The following SCNN1D variants were observed in gnomAD, a reference collection of about 807,000 sequenced individuals.
SCNN1D encodes the protein sodium channel epithelial 1 subunit delta, also known as epithelial sodium channel subunit delta.
In SCNN1D, 104 loss-of-function variants were observed where a neutral mutation model predicts 87.8. The ratio of observed to expected loss-of-function variants is 1.18; its 90% CI spans 1.01 to 1.39. The LOEUF (loss-of-function observed/expected upper bound fraction) is 1.39. Among genes scored for constraint, SCNN1D ranks in the 40% most tolerant of loss-of-function variants. SCNN1D has a pLI of 0.00. For synonymous variants in SCNN1D, 628 were observed against 481.2 expected (o/e 1.31, Z -3.99); for missense variants, 1,324 against 1,093.9 (o/e 1.21, Z -2.97).
chr1:1,286,721 G>C (rs780766752), intron 7 of SCNN1D, 47 bp from the exon 8 acceptor site: 1 of 1,565,388 alleles, frequency 6.4e-7, no homozygotes, highest in Non-Finnish European at 8.7e-7. Context: ...TGGGGCCAGT[G>C]TGAGGCCCCG....
At chr1:1,288,069 A>G in intron 12 of SCNN1D, 32 bp downstream of exon 12, 28 of 650,010 alleles carry the variant, frequency 4.3e-5, no homozygotes, top group Non-Finnish European at 5.5e-5. Flanking sequence ...GTGCGGGGGC[A>G]GGTGAGGCTG....
rs1416426332 is a variant in SCNN1D, at chr1:1,287,481, A to G, written c.1311-27A>G. ...GACGGGCGCGGGCAGCCGACATTCA[A>G]GGTCTGAGCTTGGCTTCTCATTCCA... is the stretch of plus-strand genomic sequence containing the variant. On this transcript the variant is annotated intron_variant, in intron 9 of 17. Transcript: ENST00000379116. 5 of 1,514,224 alleles carry G rather than the reference A, an allele frequency of 3.3e-6. No homozygotes were observed. In the Admixed American group the frequency reaches 6.5e-5, roughly 20 times the overall value. The allele number at this position is 1,514,224 out of a possible 1,614,324, so 93.8% of individuals were successfully genotyped here. A position where few individuals can be genotyped will look rare whatever the true frequency, so the allele number is the denominator to read the frequency against.
rs1220793315 is a variant in SCNN1D at position 1,282,229 on chromosome 1, G to A, written c.278-13G>A. 7.1e-7 allele frequency: 1 copy of A among 1,400,654 alleles called. No homozygotes were observed. Among genetic ancestry groups the A allele is most frequent in the Non-Finnish European group, 9.9e-7 (1 of 1,010,634 alleles). The allele number at this position is 1,400,654 out of a possible 1,614,324, so 86.8% of individuals were successfully genotyped here. A position where few individuals can be genotyped will look rare whatever the true frequency, so the allele number is the denominator to read the frequency against. ...AGGCCACACAGCCAGTGACGAAGCTGTGATTCACACAGGCCTGGGTGACTC... is the reference window on the plus strand; with the variant it reads ...AGGCCACACAGCCAGTGACGAAGCTATGATTCACACAGGCCTGGGTGACTC... On this transcript the variant is annotated splice_polypyrimidine_tract_variant and intron_variant, in intron 3 of 17. Coordinates refer to ENST00000379116, the MANE Select transcript of SCNN1D (RefSeq NM_001130413.4).
In SCNN1D at chr1:1,287,406, G is replaced by A. The variant is rs573744862; in HGVS notation, c.1311-102G>A. 4.0e-6 allele frequency: 6 copies of A among 1,490,846 alleles called. No individual in the cohort carries two copies. The East Asian group carries it at 1.2e-4, about 29-fold the overall frequency. 92.4% of individuals were successfully genotyped at this position (1,490,846 alleles called of 1,614,324 possible). A position where few individuals can be genotyped will look rare whatever the true frequency, so the allele number is the denominator to read the frequency against. ...GCTGGGAGCCACCCAAGGCTGGCCG[G>A]AGGAACTTTCCGCAGACACAGGGCA... On this transcript the variant is annotated intron_variant, in intron 9 of 17. Transcript: ENST00000379116.
rs868800536 is a variant in SCNN1D, at chr1:1,288,242, T to A, written c.1662+205T>A. The stretch of plus-strand genomic sequence containing the variant: ...CGTCCCGTGTCTCTGCTCCGTCCCG[T>A]GTCTCTGCTCCGTCCCGTGTCTCTG... On this transcript the variant is annotated intron_variant, in intron 12 of 17. Coordinates refer to ENST00000379116, the MANE Select transcript of SCNN1D (RefSeq NM_001130413.4). 5.2e-4 allele frequency among the ~76,000 whole-genome samples: 67 copies of A among 130,058 alleles called. 1 individual carries two copies. The highest frequency in any genetic ancestry group is 1.3e-3 in the African/African-American group (39 of 30,892). 85.3% of individuals were successfully genotyped at this position (130,058 alleles called of 152,430 possible).
At position 1,282,200 on chromosome 1, in the gene SCNN1D, G is replaced by A. The variant is rs769396924; in HGVS notation, c.278-42G>A. On this transcript the variant is annotated intron_variant, in intron 3 of 17. Transcript: ENST00000379116. ...TCAGCTCAGAGAGGTTGAGTAACTC[G>A]GGAAGGCCACACAGCCAGTGACGAA... is the stretch of plus-strand genomic sequence containing the variant. 25 of 1,153,882 alleles carry A rather than the reference G, an allele frequency of 2.2e-5. 1 individual carries two copies. The South Asian group carries it at 2.4e-4, about 11-fold the overall frequency. 71.5% of individuals were successfully genotyped at this position (1,153,882 alleles called of 1,614,324 possible).
chr1:1,290,713 G>A lies in SCNN1D; in HGVS notation c.1917+19G>A. On this transcript the variant is annotated intron_variant, in intron 15 of 17. Coordinates refer to ENST00000379116, the MANE Select transcript of SCNN1D (RefSeq NM_001130413.4). The stretch of plus-strand genomic sequence containing the variant: ...GTCAGCTGTGAGTCCCCAAAGTGGT[G>A]GGGTGGGGGTGTGGACAGCCAGGCA... 6.2e-7 allele frequency: 1 copy of A among 1,612,304 alleles called. No homozygotes were observed.
At position 1,281,570 on chromosome 1, in the gene SCNN1D, C is replaced by G. The variant is rs375249523; in HGVS notation, c.237C>G (p.Pro79=). The G allele has an allele frequency of 1.2e-5, 18 of 1,535,788 alleles. No individual in the cohort carries two copies. The highest frequency in any genetic ancestry group is 1.7e-4 in the Middle Eastern group (1 of 5,988). Residue 79 remains proline, a synonymous_variant, in exon 3 of 18, where the codon CCC becomes CCG. Coordinates refer to ENST00000379116, the MANE Select transcript of SCNN1D (RefSeq NM_001130413.4). ...CTGGACATGTGCTCTGTGGCTACCCCCTCTGCCTACTCTCTGGCCCGATAC... is the reference window on the plus strand; with the variant it reads ...CTGGACATGTGCTCTGTGGCTACCCGCTCTGCCTACTCTCTGGCCCGATAC... The part of the protein sequence containing the change: ...TSAGHVLCGY[P]LCLLSGPIQG...
chr1:1,288,219 T>TTC (rs1380789335), intron 12 of SCNN1D, among the ~76,000 whole-genome samples, 182 bp downstream of exon 12: 7 of 138,016 alleles, frequency 5.1e-5, no homozygotes, highest in African/African-American at 1.9e-4. Flanking sequence ...CTCTGCTCCG[T>TTC]CCCGTGTCTC....
chr1:1,281,738 G>T (rs958264882), intron 3 of SCNN1D, 128 bp downstream of exon 3: 1 of 859,644 alleles, frequency 1.2e-6, no homozygotes, highest in Non-Finnish European at 1.7e-6. Context: ...CATGGAAGGG[G>T]TGCTCTGCCC....
chr1:1,290,347 C>T lies in SCNN1D; in HGVS notation c.1739C>T (p.Ala580Val), dbSNP rs578015493. Residue 580 changes from alanine (A) to valine (V), a missense_variant, in exon 13 of 18, where the codon GCG (alanine) becomes GTG (valine). Physicochemically the swap from Ala to Val is moderately conservative, Grantham distance 64 (BLOSUM62 0). Coordinates refer to ENST00000379116, the MANE Select transcript of SCNN1D (RefSeq NM_001130413.4). ...SCGYYLHPLP[A>V]GAEYCSSARH... Reference sequence around the variant, plus strand: ...GGCTACTACCTCCACCCTCTGCCGGCGGGGGCTGAGTACTGCAGCTCTGCC... The same window carrying T: ...GGCTACTACCTCCACCCTCTGCCGGTGGGGGCTGAGTACTGCAGCTCTGCC... The T allele has an allele frequency of 4.8e-5, 76 of 1,596,160 alleles. No homozygotes were observed. The highest frequency in any genetic ancestry group is 2.7e-4 in the South Asian group (24 of 88,848).
In SCNN1D at chr1:1,290,390, T is replaced by C. The variant is rs770300977; in HGVS notation, c.1780+2T>C. 6.2e-6 allele frequency: 10 copies of C among 1,604,504 alleles called. No homozygotes were observed. The highest frequency in any genetic ancestry group is 4.3e-6 in the Non-Finnish European group (5 of 1,174,738). The stretch of plus-strand genomic sequence containing the variant: ...GCTCTGCCCGGCACCCTGCCTGGGG[T>C]GAGTCCTGCTCGCTGCCTCCCACTC... On this transcript the variant is annotated splice_donor_variant, in intron 13 of 17. Transcript: ENST00000379116. LOFTEE classifies it high-confidence loss of function.
At position 1,285,935 on chromosome 1, in the gene SCNN1D, C is replaced by T. The variant is rs1640578358; in HGVS notation, c.568C>T (p.Gln190Ter). ...AACKQGQAAA[Q>*]TPPRPGPPSA... ...GCCACTCTGCACACAGGCTGCAGCC[C>T]AGACGCCCCCCAGGCCGGGGCCACC... The change falls in exon 7 of 18, where the codon CAG (glutamine) becomes TAG (stop). Residue 190 changes from glutamine to a stop codon, truncating the protein, a stop_gained. Coordinates refer to ENST00000379116, the MANE Select transcript of SCNN1D (RefSeq NM_001130413.4). LOFTEE classifies it high-confidence loss of function. 2 of 1,548,184 alleles carry T rather than the reference C, an allele frequency of 1.3e-6. No homozygotes were observed. Among genetic ancestry groups the T allele is most frequent in the Non-Finnish European group, 1.7e-6 (2 of 1,145,244 alleles).
In SCNN1D at chr1:1,285,147, G is replaced by A. The variant is rs75024913; in HGVS notation, c.465-424G>A. 1.8e-3 allele frequency among the ~76,000 whole-genome samples: 276 copies of A among 152,298 alleles called. 3 individuals carry two copies. In the East Asian group the frequency reaches 0.028, roughly 16 times the overall value. ...GCGGCCCACACACCCGAGGGGAGCC[G>A]TCCCCACCTGGTGTCCCCAGGCCCC... is the stretch of plus-strand genomic sequence containing the variant. On this transcript the variant is annotated intron_variant, in intron 5 of 17. Transcript: ENST00000379116.
intron 11 of SCNN1D, 27 bp from the exon 12 acceptor site, chr1:1,287,912 C>T: frequency 6.5e-7 from 1 of 1,528,988 alleles, no homozygotes; most frequent in African/African-American, 1.4e-5. Context: ...AGGGCAGGGC[C>T]CATGGAACTG....
At chr1:1,282,617 CAGT>C (rs1426788626) in intron 4 of SCNN1D, among the ~76,000 whole-genome samples, 1 of 152,250 alleles carries the variant, frequency 6.6e-6, no homozygotes, top group African/African-American at 2.4e-5. Flanking sequence ...TGGACCCTGA[CAGT>C]AGCATGTGGT....
In SCNN1D at chr1:1,281,522, A is replaced by G. The variant is rs572723330; in HGVS notation, c.189A>G (p.Gly63=). ...CGAGGGGATGGCCCAGAAGAGGGGG[A>G]GGACCATGTGGATTCACCAGTGCTG... ...GPARGWPRRG[G]GPCGFTSAGH... Residue 63 remains glycine (G), a synonymous_variant, in exon 3 of 18, where the codon GGA becomes GGG. Transcript: ENST00000379116. The G allele has an allele frequency of 2.0e-6, 3 of 1,535,188 alleles. No homozygotes were observed. The African/African-American group carries it at 4.1e-5, about 21-fold the overall frequency.
chr1:1,280,847 C>T lies in SCNN1D; in HGVS notation c.5+181C>T. The T allele has an allele frequency of 5.1e-6, 3 of 590,966 alleles. No individual in the cohort carries two copies. The South Asian group carries it at 6.2e-5, about 12-fold the overall frequency. The allele number at this position is 590,966 out of a possible 1,614,324, so 36.6% of individuals were successfully genotyped here. On this transcript the variant is annotated intron_variant, in intron 1 of 17. Transcript: ENST00000379116. ...TACTCCTCCCAGCAGGGGACACCGG[C>T]CAGACCCCAAGCTCCACACTCCCAC...
intron 1 of SCNN1D, chr1:1,280,925 G>A: frequency 1.7e-6 from 1 of 584,146 alleles, no homozygotes; most frequent in Non-Finnish European, 3.1e-6. Context: ...CCACCTTAGT[G>A]CCTGTTCTGC....
Sources: allele counts gnomAD v4.1 joint callset (sites outside exome capture counted in the v4.1 genomes callset), GRCh38; gene constraint gnomAD v4.1.1; transcripts MANE v1.5; gene names NCBI Gene and HGNC (gene_info 2026-07-23, HGNC 2026-07-21).